KIAA1217: variants seen among roughly 807,000 people sequenced by gnomAD.
The protein encoded by KIAA1217 is sickle tail protein homolog.
A neutral mutation model predicts 163.9 loss-of-function variants in KIAA1217; 88 were observed. The observed-to-expected ratio is 0.54, with a 90% CI of 0.45 to 0.64. The LOEUF is 0.64. KIAA1217 is among the 30% of genes least tolerant of loss of function. KIAA1217 has a pLI of 0.00. For synonymous variants in KIAA1217, 903 were observed against 923.1 expected (o/e 0.98, Z 0.39); for missense variants, 2,372 against 2,475.0 (o/e 0.96, Z 0.88).
chr10:24,424,686 T>G, intron 3 of KIAA1217, among the ~76,000 whole-genome samples: 1 of 152,232 alleles, frequency 6.6e-6, no homozygotes, highest in East Asian at 1.9e-4. Flanking sequence ...TCACTGCAAC[T>G]CCGCCTCCCA....
intron 1 of KIAA1217, among the ~76,000 whole-genome samples, chr10:23,785,765 C>T (rs1012828491): frequency 6.6e-6 from 1 of 151,536 alleles, no homozygotes; most frequent in East Asian, 1.9e-4. Context: ...ATCCTTAGCA[C>T]TCAGAAATAT....
chr10:24,263,699 CTT>C (rs1216399271), intron 2 of KIAA1217, among the ~76,000 whole-genome samples: 3 of 152,148 alleles, frequency 2.0e-5, no homozygotes, highest in African/African-American at 7.2e-5. Flanking sequence ...TTCTGACTAA[CTT>C]TATCCAGTTG....
At chr10:23,965,121 C>A (rs1451762329) in intron 1 of KIAA1217, among the ~76,000 whole-genome samples, 1 of 152,226 alleles carries the variant, frequency 6.6e-6, no homozygotes. Flanking sequence ...TTAGGACCAA[C>A]TGGAGAACAA....
At chr10:23,903,056 G>A (rs2131249558) in intron 1 of KIAA1217, among the ~76,000 whole-genome samples, 1 of 152,182 alleles carries the variant, frequency 6.6e-6, no homozygotes, top group Admixed American at 6.5e-5. Flanking sequence ...GAATCCATGT[G>A]TGTAGGAAAG....
intron 3 of KIAA1217, among the ~76,000 whole-genome samples, chr10:24,431,374 A>T (rs965755292): frequency 3.3e-5 from 5 of 152,070 alleles, no homozygotes; most frequent in African/African-American, 1.2e-4. Flanking sequence ...ATAACAAATC[A>T]CCCTAAGCAT....
intron 2 of KIAA1217, among the ~76,000 whole-genome samples, chr10:24,348,467 T>C (rs1266628554): frequency 6.6e-6 from 1 of 152,220 alleles, no homozygotes; most frequent in Non-Finnish European, 1.5e-5. Context: ...AAAATATCAT[T>C]GCAGATAAAT....
chr10:24,187,707 A>C (rs1213441305), intron 2 of KIAA1217, among the ~76,000 whole-genome samples: 2 of 152,020 alleles, frequency 1.3e-5, no homozygotes, highest in African/African-American at 4.8e-5. Context: ...CCTGACCAAC[A>C]TGGAGACACC....
At chr10:24,538,431 A>G (rs2074356895) in intron 17 of KIAA1217, among the ~76,000 whole-genome samples, 1 of 152,022 alleles carries the variant, frequency 6.6e-6, no homozygotes, top group South Asian at 2.1e-4. Flanking sequence ...TAATCCCAGC[A>G]TTTTAGGAGG....
intron 1 of KIAA1217, among the ~76,000 whole-genome samples, chr10:23,766,240 G>T (rs1048614633): frequency 6.6e-6 from 1 of 152,174 alleles, no homozygotes; most frequent in Non-Finnish European, 1.5e-5. Context: ...GTCACTAGTG[G>T]CATGGTAGAG....
At chr10:23,921,166 C>T (rs545635632) in intron 1 of KIAA1217, among the ~76,000 whole-genome samples, 1 of 152,192 alleles carries the variant, frequency 6.6e-6, no homozygotes, top group African/African-American at 2.4e-5. Context: ...ACATCACTCT[C>T]TTTATATAGA....
At chr10:24,157,062 G>A (rs1030144583) in intron 2 of KIAA1217, among the ~76,000 whole-genome samples, 16 of 152,144 alleles carry the variant, frequency 1.1e-4, no homozygotes, top group African/African-American at 3.1e-4. Context: ...TAGGAAGTAC[G>A]CGTTTCAGTT....
intron 3 of KIAA1217, among the ~76,000 whole-genome samples, chr10:24,391,959 A>G (rs2055046848): frequency 6.6e-6 from 1 of 152,232 alleles, no homozygotes; most frequent in African/African-American, 2.4e-5. Flanking sequence ...TCAAGTTTCA[A>G]AGACAACACA....
intron 2 of KIAA1217, among the ~76,000 whole-genome samples, chr10:24,131,371 A>G (rs895984705): frequency 2.6e-5 from 4 of 152,232 alleles, no homozygotes; most frequent in African/African-American, 9.6e-5. Flanking sequence ...GCCAAATGGA[A>G]CCGTTATTTT....
intron 1 of KIAA1217, among the ~76,000 whole-genome samples, chr10:23,852,995 T>C (rs937780556): frequency 3.3e-5 from 5 of 152,230 alleles, no homozygotes; most frequent in Non-Finnish European, 7.3e-5. Flanking sequence ...CCTAATTGAA[T>C]ACCCTTTATT....
At chr10:24,039,139 T>G (rs1233258588) in intron 2 of KIAA1217, among the ~76,000 whole-genome samples, 1 of 152,136 alleles carries the variant, frequency 6.6e-6, no homozygotes. Flanking sequence ...TATGCCAATT[T>G]TTTTTAGAGG....
At chr10:24,443,555 T>C (rs1324270014) in intron 5 of KIAA1217, among the ~76,000 whole-genome samples, 1 of 151,494 alleles carries the variant, frequency 6.6e-6, no homozygotes, top group Non-Finnish European at 1.5e-5. Context: ...CAAATTGCAG[T>C]CATGAAAAAA....
intron 5 of KIAA1217, among the ~76,000 whole-genome samples, chr10:24,471,728 C>T (rs1592208523): frequency 1.3e-5 from 2 of 151,786 alleles, no homozygotes; most frequent in African/African-American, 2.4e-5. Context: ...ACTAAAAATG[C>T]AAAAATTAGC....
intron 1 of KIAA1217, among the ~76,000 whole-genome samples, chr10:23,762,904 G>A (rs1041718859): frequency 6.6e-6 from 1 of 152,136 alleles, no homozygotes; most frequent in Non-Finnish European, 1.5e-5. Flanking sequence ...AAACTGATAA[G>A]GAACTTCAAC....
intron 1 of KIAA1217, among the ~76,000 whole-genome samples, chr10:23,747,871 A>C (rs996604374): frequency 1.3e-5 from 2 of 152,160 alleles, no homozygotes; most frequent in Admixed American, 6.5e-5. Flanking sequence ...TTCCCCAAGA[A>C]TACAAGCTAG....
Sources: allele counts gnomAD v4.1 joint callset (sites outside exome capture counted in the v4.1 genomes callset), GRCh38; gene constraint gnomAD v4.1.1; transcripts MANE v1.5; gene names NCBI Gene and HGNC (gene_info 2026-07-23, HGNC 2026-07-21).